Variants in CSMD1 observed in about 807,000 individuals in gnomAD.
CSMD1 encodes the protein CUB and Sushi multiple domains 1, also known as CUB and sushi domain-containing protein 1.
In CSMD1, 213 loss-of-function variants were observed where a neutral mutation model predicts 417.5. The ratio of observed to expected loss-of-function variants is 0.51; its 90% CI spans 0.46 to 0.57. CSMD1 has a LOEUF of 0.57. Ranked by LOEUF, CSMD1 falls within the 20% of genes least tolerant of loss-of-function variation. The pLI is 0.00. For synonymous variants in CSMD1, 2,862 were observed against 1,736.8 expected (o/e 1.65, Z -16.11); for missense variants, 6,923 against 4,529.7 (o/e 1.53, Z -15.17).
At chr8:3,734,259 T>C (rs1290592169) in intron 6 of CSMD1, among the ~76,000 whole-genome samples, 4 of 152,220 alleles carry the variant, frequency 2.6e-5, no homozygotes. Flanking sequence ...CACCATTCCA[T>C]GTTTCATCTC....
chr8:4,240,528 T>C (rs538110425), intron 3 of CSMD1, among the ~76,000 whole-genome samples: 11 of 152,296 alleles, frequency 7.2e-5, no homozygotes, highest in Middle Eastern at 6.8e-3. Context: ...ACTAACCTGA[T>C]TGTGTAGTGT....
At chr8:4,513,505 T>G (rs1802940533) in intron 2 of CSMD1, among the ~76,000 whole-genome samples, 1 of 152,304 alleles carries the variant, frequency 6.6e-6, no homozygotes, top group East Asian at 1.9e-4. Flanking sequence ...CTGTAACATT[T>G]ACTCTTTAAG....
chr8:4,105,959 C>T (rs1311543591), intron 3 of CSMD1, among the ~76,000 whole-genome samples: 1 of 152,194 alleles, frequency 6.6e-6, no homozygotes, highest in African/African-American at 2.4e-5. Flanking sequence ...GAATTAGCCA[C>T]AAGTCCCAAC....
chr8:3,475,561 C>A lies in CSMD1; in HGVS notation c.1449-6737G>T, dbSNP rs569889778. On this transcript the variant is annotated intron_variant, in intron 11 of 69. Coordinates refer to ENST00000635120, the MANE Select transcript of CSMD1 (RefSeq NM_033225.6). ...TTAGCTAAATCATTTTATCTGTATT[C>A]CAGGTTCCTCATCTATGAAACAAGA... 2.6e-5 allele frequency among the ~76,000 whole-genome samples: 4 copies of A among 152,208 alleles called. No individual in the cohort carries two copies. In the East Asian group the frequency reaches 7.7e-4, roughly 29 times the overall value.
In CSMD1 at chr8:4,072,841, C is replaced by T. The variant is rs57988208; in HGVS notation, c.416-40742G>A. On this transcript the variant is annotated intron_variant, in intron 3 of 69. Transcript: ENST00000635120. The stretch of plus-strand genomic sequence containing the variant: ...GGCAGCCCAAAAGCCGTCTTTTCCA[C>T]TACAACAATTTAGAAGCTTGAAAAT... Among the ~76,000 whole-genome samples the T allele has an allele frequency of 4.6e-5, 7 of 152,064 alleles. No homozygotes were observed. In the East Asian group the frequency reaches 1.3e-3, roughly 29 times the overall value.
At chr8:4,465,122 C>A (rs1400035798) in intron 2 of CSMD1, among the ~76,000 whole-genome samples, 1 of 152,126 alleles carries the variant, frequency 6.6e-6, no homozygotes, top group African/African-American at 2.4e-5. Flanking sequence ...GTTAATTTTC[C>A]CATCTAAGGC....
At chr8:3,823,685 T>C (rs898876906) in intron 5 of CSMD1, among the ~76,000 whole-genome samples, 4 of 152,116 alleles carry the variant, frequency 2.6e-5, no homozygotes, top group Non-Finnish European at 5.9e-5. Context: ...ATGCAATGGA[T>C]ATATGTTTGA....
intron 1 of CSMD1, among the ~76,000 whole-genome samples, chr8:4,704,916 G>C (rs1025098979): frequency 2.6e-5 from 4 of 152,154 alleles, no homozygotes; most frequent in African/African-American, 9.7e-5. Flanking sequence ...TTTTAATAAA[G>C]TCTTAGTAAA....
At chr8:3,683,004 C>A (rs992888075) in intron 7 of CSMD1, among the ~76,000 whole-genome samples, 1 of 152,096 alleles carries the variant, frequency 6.6e-6, no homozygotes, top group Middle Eastern at 3.4e-3. Flanking sequence ...AATGAGAACA[C>A]ATGGACACAG....
At chr8:3,752,186 A>T (rs1563340873) in intron 6 of CSMD1, among the ~76,000 whole-genome samples, 1 of 152,034 alleles carries the variant, frequency 6.6e-6, no homozygotes, top group East Asian at 1.9e-4. Context: ...AGATATGGGG[A>T]GGTATGGAAA....
chr8:4,159,004 C>T (rs572126703), intron 3 of CSMD1, among the ~76,000 whole-genome samples: 6 of 152,162 alleles, frequency 3.9e-5, no homozygotes, highest in African/African-American at 1.4e-4. Context: ...CAACCTTCAC[C>T]TCCCAGATTC....
intron 3 of CSMD1, among the ~76,000 whole-genome samples, chr8:4,161,946 A>G (rs2131099185): frequency 6.6e-6 from 1 of 152,328 alleles, no homozygotes; most frequent in South Asian, 2.1e-4. Flanking sequence ...CAGTAAGTAT[A>G]GTACACAACA....
chr8:4,599,539 T>A (rs549506724), intron 2 of CSMD1, among the ~76,000 whole-genome samples: 3 of 151,770 alleles, frequency 2.0e-5, no homozygotes, highest in Non-Finnish European at 4.4e-5. Flanking sequence ...GTGCACAATA[T>A]ATAAAATTAC....
At chr8:3,654,337 GAA>G (rs1563238329) in intron 7 of CSMD1, among the ~76,000 whole-genome samples, 1 of 152,162 alleles carries the variant, frequency 6.6e-6, no homozygotes, top group Non-Finnish European at 1.5e-5. Context: ...ACTAGAGTTT[GAA>G]AAGTTTGATG....
intron 1 of CSMD1, among the ~76,000 whole-genome samples, chr8:4,874,020 T>C (rs979222647): frequency 6.6e-6 from 1 of 152,138 alleles, no homozygotes; most frequent in African/African-American, 2.4e-5. Flanking sequence ...AATCGCATGA[T>C]TAGTCTATCA....
chr8:4,235,559 T>G (rs933777876), intron 3 of CSMD1, among the ~76,000 whole-genome samples: 1 of 152,202 alleles, frequency 6.6e-6, no homozygotes, highest in Non-Finnish European at 1.5e-5. Flanking sequence ...GAATATTTTC[T>G]TGTGCTTTTA....
At chr8:3,300,810 T>C (rs1306654628) in intron 25 of CSMD1, among the ~76,000 whole-genome samples, 1 of 148,842 alleles carries the variant, frequency 6.7e-6, no homozygotes, top group Non-Finnish European at 1.5e-5. Flanking sequence ...ACAAAAAAAA[T>C]TAGCTGGGTG....
intron 12 of CSMD1, among the ~76,000 whole-genome samples, chr8:3,431,053 T>A (rs1454282163): frequency 6.6e-6 from 1 of 152,152 alleles, no homozygotes; most frequent in Non-Finnish European, 1.5e-5. Flanking sequence ...AGTAATGGAT[T>A]CTGGGAAATG....
chr8:3,157,242 G>C (rs538696653), intron 39 of CSMD1, among the ~76,000 whole-genome samples: 1 of 152,136 alleles, frequency 6.6e-6, no homozygotes, highest in Admixed American at 6.5e-5. Context: ...ATGATGGGGA[G>C]CAAAGGGCAC....
Sources: gnomAD v4.1 joint callset for allele counts (sites outside exome capture counted in the v4.1 genomes callset) on GRCh38, gnomAD v4.1.1 for gene constraint, MANE v1.5 for transcripts, NCBI Gene and HGNC (gene_info 2026-07-23, HGNC 2026-07-21) for gene names.